The following GIN1 variants were observed in gnomAD, a reference collection of about 807,000 sequenced individuals.
The protein encoded by GIN1 is gypsy retrotransposon integrase 1, also known as gypsy retrotransposon integrase-like protein 1.
Under a neutral mutation model 51.4 loss-of-function variants are expected in GIN1, and 41 were observed. The observed-to-expected ratio is 0.80, with a 90% CI of 0.62 to 1.04. The LOEUF (loss-of-function observed/expected upper bound fraction) is 1.04. GIN1 is among the 50% of genes least tolerant of loss of function. GIN1 has a pLI of 0.00. For synonymous variants in GIN1, 222 were observed against 206.5 expected, an observed-to-expected ratio of 1.07 and a Z score of -0.64; for missense variants, 610 against 612.4, an observed-to-expected ratio of 1.00 and a Z score of 0.04.
intron 1 of GIN1, among the ~76,000 whole-genome samples, chr5:103,118,927 A>G (rs572029985): frequency 8.5e-4 from 130 of 152,308 alleles, no homozygotes; most frequent in Non-Finnish European, 1.6e-3. Context: ...GGATATGCTC[A>G]TATTTTCAAG....
Position 103,104,452 on chromosome 5 carries a change from A to C in GIN1, c.639+89T>G, listed in dbSNP as rs1583124826. ...AGAAATTTATCTGAACTTATTAAGC[A>C]CTCTGTAATATAATGCAGAGGGCAC... On this transcript the variant is annotated intron_variant, in intron 4 of 7. Coordinates refer to ENST00000399004, the MANE Select transcript of GIN1 (RefSeq NM_017676.2). 1.1e-5 allele frequency: 7 copies of C among 637,572 alleles called. No homozygotes were observed. In the East Asian group the frequency reaches 1.9e-4, roughly 17 times the overall value. 39.5% of individuals were successfully genotyped at this position (637,572 alleles called of 1,614,324 possible).
At chr5:103,101,459 C>T (rs1562330333) in intron 4 of GIN1, among the ~76,000 whole-genome samples, 1 of 152,176 alleles carries the variant, frequency 6.6e-6, no homozygotes, top group Non-Finnish European at 1.5e-5. Context: ...AGTAAAACTG[C>T]AGATAAATGG....
chr5:103,099,028 T>C (rs1787490524), intron 4 of GIN1, among the ~76,000 whole-genome samples: 1 of 152,064 alleles, frequency 6.6e-6, no homozygotes, highest in Non-Finnish European at 1.5e-5. Context: ...TTTAGTTGAG[T>C]AAACCTTTGG....
intron 7 of GIN1, among the ~76,000 whole-genome samples, chr5:103,089,004 C>T (rs1276482973): frequency 1.3e-5 from 2 of 152,078 alleles, no homozygotes; most frequent in African/African-American, 4.8e-5. Flanking sequence ...AAGTTAAAAA[C>T]AACATGCCAA....
chr5:103,108,873 G>T (rs1787800411), intron 1 of GIN1, among the ~76,000 whole-genome samples, 159 bp from the exon 2 acceptor site: 1 of 151,924 alleles, frequency 6.6e-6, no homozygotes, highest in Non-Finnish European at 1.5e-5. Context: ...GAACAGCGAT[G>T]TATATGAACA....
intron 1 of GIN1, among the ~76,000 whole-genome samples, chr5:103,117,641 A>G (rs1788079045): frequency 6.6e-6 from 1 of 151,790 alleles, no homozygotes; most frequent in South Asian, 2.1e-4. Flanking sequence ...TATTCGTGCA[A>G]TGCTGAAACT....
chr5:103,089,218 A>T (rs1787166795), intron 7 of GIN1, among the ~76,000 whole-genome samples: 1 of 152,178 alleles, frequency 6.6e-6, no homozygotes, highest in Non-Finnish European at 1.5e-5. Flanking sequence ...CAAGAAAAAA[A>T]TGTTTAAAAT....
chr5:103,100,441 G>A (rs531615967), intron 4 of GIN1, among the ~76,000 whole-genome samples: 205 of 152,022 alleles, frequency 1.3e-3, no homozygotes, highest in African/African-American at 4.7e-3. Context: ...GCCCAAACTG[G>A]AATGCAGTGG....
intron 4 of GIN1, among the ~76,000 whole-genome samples, chr5:103,099,354 A>G (rs1382013950): frequency 5.3e-5 from 8 of 151,970 alleles, no homozygotes; most frequent in African/African-American, 1.9e-4. Context: ...AATCACTCCC[A>G]ATATATATTG....
At position 103,088,159 on chromosome 5, in the gene GIN1, G is replaced by C. The variant is rs782435574; in HGVS notation, c.1308C>G (p.Leu436=). ...RESSEQESLY[L]LQGSVVADHD... ...GATCTGCCACTACTGAACCTTGCAA[G>C]AGATAAAGACTTTCTGAAAAAAGAA... Residue 436 remains leucine, a synonymous_variant, in exon 8 of 8, where the codon CTC becomes CTG. Transcript: ENST00000399004. 6.5e-7 allele frequency: 1 copy of C among 1,545,798 alleles called. No individual in the cohort carries two copies. Among genetic ancestry groups the C allele is most frequent in the South Asian group, 1.2e-5 (1 of 80,410 alleles).
In GIN1 at chr5:103,115,691, T is replaced by C. The variant is rs918798677; in HGVS notation, c.-8+4373A>G. 9.2e-5 allele frequency among the ~76,000 whole-genome samples: 14 copies of C among 152,296 alleles called. No homozygotes were observed. In the East Asian group the frequency reaches 2.5e-3, roughly 27 times the overall value. ...GGTTAAGATGGTAAATTTCATGTTA[T>C]GTGTGATTTACTACAATTAAAACAA... On this transcript the variant is annotated intron_variant, in intron 1 of 7. Coordinates refer to ENST00000399004, the MANE Select transcript of GIN1 (RefSeq NM_017676.2).
chr5:103,116,312 A>T (rs1788028870), intron 1 of GIN1, among the ~76,000 whole-genome samples: 1 of 152,248 alleles, frequency 6.6e-6, no homozygotes, highest in Non-Finnish European at 1.5e-5. Flanking sequence ...CAGAATAGTG[A>T]CAGAAATAGC....
intron 7 of GIN1, among the ~76,000 whole-genome samples, chr5:103,089,716 T>C (rs1267385067): frequency 6.6e-6 from 1 of 152,210 alleles, no homozygotes; most frequent in Non-Finnish European, 1.5e-5. Context: ...ATTAATTGCC[T>C]ATTTAGATTA....
At chr5:103,097,219 G>T (rs1187603695) in intron 6 of GIN1, 95 bp downstream of exon 6, 1 of 713,748 alleles carries the variant, frequency 1.4e-6, no homozygotes, top group Non-Finnish European at 2.4e-6. Context: ...GTATGTGTGT[G>T]TGTGTGCATG....
chr5:103,092,257 G>A (rs1554194629), intron 7 of GIN1, among the ~76,000 whole-genome samples: 1 of 151,846 alleles, frequency 6.6e-6, no homozygotes, highest in African/African-American at 2.4e-5. Flanking sequence ...ATCCTACCTC[G>A]GCCTCTCAAA....
chr5:103,101,748 C>T (rs1338285179), intron 4 of GIN1, among the ~76,000 whole-genome samples: 3 of 152,238 alleles, frequency 2.0e-5, no homozygotes, highest in Non-Finnish European at 4.4e-5. Flanking sequence ...GATACCTTCA[C>T]ATAGCATGTG....
At chr5:103,100,015 A>G (rs1234643965) in intron 4 of GIN1, among the ~76,000 whole-genome samples, 2 of 152,232 alleles carry the variant, frequency 1.3e-5, no homozygotes, top group African/African-American at 4.8e-5. Context: ...CAGCAAAAAG[A>G]ACAAGTTTTC....
At chr5:103,107,452 G>C (rs1787759138) in intron 2 of GIN1, among the ~76,000 whole-genome samples, 1 of 152,060 alleles carries the variant, frequency 6.6e-6, no homozygotes, top group African/African-American at 2.4e-5. Flanking sequence ...GTTTCCTTAG[G>C]AGGACACCTG....
At chr5:103,108,313 G>T (rs1375914221) in intron 2 of GIN1, among the ~76,000 whole-genome samples, 2 of 152,052 alleles carry the variant, frequency 1.3e-5, no homozygotes, top group African/African-American at 4.8e-5. Context: ...AGCAGAAGTT[G>T]TTAATTTAGA....
Sources: gnomAD v4.1 joint callset for allele counts (sites outside exome capture counted in the v4.1 genomes callset) on GRCh38, gnomAD v4.1.1 for gene constraint, MANE v1.5 for transcripts, NCBI Gene and HGNC (gene_info 2026-07-23, HGNC 2026-07-21) for gene names.